The following TFCP2L1 variants were observed in gnomAD, a reference collection of about 807,000 sequenced individuals.
The protein encoded by TFCP2L1 is transcription factor CP2-like protein 1.
In TFCP2L1, 12 loss-of-function variants were observed where a neutral mutation model predicts 72.2. The observed-to-expected ratio is 0.17, with a 90% CI of 0.11 to 0.27. The LOEUF (loss-of-function observed/expected upper bound fraction) is 0.27. Ranked by LOEUF, TFCP2L1 falls within the 10% of genes least tolerant of loss-of-function variation. The pLI is 1.00. For missense variants in TFCP2L1, 488 were observed against 624.6 expected (o/e 0.78, Z 2.33); for synonymous variants, 260 against 251.0 (o/e 1.04, Z -0.34).
At chr2:121,245,127 C>T (rs189070041) in intron 6 of TFCP2L1, among the ~76,000 whole-genome samples, 1 of 152,134 alleles carries the variant, frequency 6.6e-6, no homozygotes, top group African/African-American at 2.4e-5. Flanking sequence ...TGCTTGGCCC[C>T]GTGTAATCAC....
chr2:121,234,286 C>T (rs748202024), intron 11 of TFCP2L1, 92 bp from the exon 12 acceptor site: 14 of 1,199,646 alleles, frequency 1.2e-5, no homozygotes, highest in Middle Eastern at 1.9e-4. Flanking sequence ...GTGGGCAGAA[C>T]TCAGGGAGGA....
chr2:121,283,659 G>A (rs1293898947), intron 1 of TFCP2L1, among the ~76,000 whole-genome samples: 2 of 152,220 alleles, frequency 1.3e-5, no homozygotes, highest in African/African-American at 4.8e-5. Flanking sequence ...TGAGGACATT[G>A]TAGGTATCTA....
chr2:121,268,727 C>G (rs772867136), intron 2 of TFCP2L1, among the ~76,000 whole-genome samples: 45 of 151,224 alleles, frequency 3.0e-4, no homozygotes, highest in Non-Finnish European at 3.2e-4. Flanking sequence ...TTTCAATGTG[C>G]CACTCAGTTG....
At chr2:121,276,110 A>G (rs954649976) in intron 2 of TFCP2L1, among the ~76,000 whole-genome samples, 2 of 152,160 alleles carry the variant, frequency 1.3e-5, no homozygotes, top group African/African-American at 4.8e-5. Flanking sequence ...ATACATGTGC[A>G]GAACGTGCAG....
intron 14 of TFCP2L1, 91 bp downstream of exon 14, chr2:121,225,471 G>GCTTT (rs1686009876): frequency 1.2e-5 from 15 of 1,256,376 alleles, no homozygotes; most frequent in Admixed American, 1.7e-5. Flanking sequence ...CTTTTCCCAG[G>GCTTT]TCAGCACTCT....
Position 121,216,629 on chromosome 2 carries a change from C to G in TFCP2L1, c.*7712G>C, listed in dbSNP as rs1043672532. The G allele has an allele frequency of 1.3e-5, 2 of 152,212 alleles. No homozygotes were observed. The highest frequency in any genetic ancestry group is 2.9e-5 in the Non-Finnish European group (2 of 68,040). The allele number at this position is 152,212 out of a possible 1,614,324, so 9.4% of individuals were successfully genotyped here. On this transcript the variant is annotated 3_prime_UTR_variant, in exon 15 of 15. Coordinates refer to ENST00000263707, the MANE Select transcript of TFCP2L1 (RefSeq NM_014553.3). ...TTTTATTTGCATTCTAACCCAAGCACAGATCCCACATACAGACTTCTCGTC... is the reference window on the plus strand; with the variant it reads ...TTTTATTTGCATTCTAACCCAAGCAGAGATCCCACATACAGACTTCTCGTC...
intron 2 of TFCP2L1, among the ~76,000 whole-genome samples, chr2:121,268,026 T>G (rs1250434002): frequency 2.0e-5 from 3 of 152,172 alleles, no homozygotes; most frequent in African/African-American, 4.8e-5. Flanking sequence ...GGCTAAAGAT[T>G]GCTTGAGCCC....
chr2:121,231,709 G>A (rs931315144), intron 13 of TFCP2L1, 117 bp downstream of exon 13: 3 of 1,417,564 alleles, frequency 2.1e-6, no homozygotes, highest in Non-Finnish European at 9.5e-7. Context: ...TGCAGGTGGT[G>A]TGCAGATGAA....
intron 5 of TFCP2L1, 33 bp downstream of exon 5, chr2:121,248,131 C>G (rs749517981): frequency 1.2e-6 from 2 of 1,600,232 alleles, no homozygotes; most frequent in South Asian, 2.2e-5. Context: ...AAGACTAGGT[C>G]TTCCCCTGGA....
chr2:121,239,295 T>C (rs1226359475), intron 8 of TFCP2L1, among the ~76,000 whole-genome samples: 1 of 152,198 alleles, frequency 6.6e-6, no homozygotes, highest in Non-Finnish European at 1.5e-5. Context: ...GAGGCTGTCT[T>C]GGGTGGCTGA....
intron 12 of TFCP2L1, 60 bp downstream of exon 12, chr2:121,234,031 C>A: frequency 6.7e-7 from 1 of 1,490,038 alleles, no homozygotes; most frequent in Non-Finnish European, 9.3e-7. Context: ...AGACTGCGGG[C>A]TTGAAAGCCA....
chr2:121,259,659 G>C (rs1006623906), intron 2 of TFCP2L1, among the ~76,000 whole-genome samples: 12 of 152,164 alleles, frequency 7.9e-5, no homozygotes, highest in African/African-American at 2.9e-4. Context: ...GATGTAAAAA[G>C]CCATCCACCA....
At chr2:121,228,772 CAAAAAAAAA>C (rs59300568) in intron 13 of TFCP2L1, among the ~76,000 whole-genome samples, 1 of 58,180 alleles carries the variant, frequency 1.7e-5, no homozygotes, top group Non-Finnish European at 2.8e-5. Context: ...CCGTGACTCA[CAAAAAAAAA>C]AAAAAAAAAA....
rs778659441 is a variant in TFCP2L1, at chr2:121,242,396, T to C, written c.731A>G (p.Lys244Arg). 1.1e-5 allele frequency: 18 copies of C among 1,614,068 alleles called. No individual in the cohort carries two copies. The South Asian group carries it at 1.8e-4, about 16-fold the overall frequency. The change falls in exon 7 of 15, where the codon AAA becomes AGA. Residue 244 changes from lysine to arginine, a missense_variant. Transcript: ENST00000263707. ...MEKRTAQEKE[K>R]YQPSYETTIL... is the part of the protein sequence containing the mutation. ...GGTGGTTTCATAGGACGGCTGGTAT[T>C]TCTCCTTCTCTTGGGCAGTTCTTTT... is the stretch of plus-strand genomic sequence containing the variant.
At chr2:121,282,724 C>T (rs1687289384) in intron 1 of TFCP2L1, among the ~76,000 whole-genome samples, 1 of 152,138 alleles carries the variant, frequency 6.6e-6, no homozygotes, top group African/African-American at 2.4e-5. Flanking sequence ...CTTCGTGGGT[C>T]CCTGACTAGG....
intron 2 of TFCP2L1, among the ~76,000 whole-genome samples, chr2:121,250,074 C>T (rs796170362): frequency 2.2e-4 from 33 of 152,220 alleles, no homozygotes; most frequent in South Asian, 6.2e-4. Flanking sequence ...TTTGAAGGAA[C>T]GAAGAAGCCT....
chr2:121,281,241 C>T lies in TFCP2L1; in HGVS notation c.93G>A (p.Gln31=), dbSNP rs1687253259. Residue 31 remains glutamine, a synonymous_variant, in exon 2 of 15, where the codon CAG becomes CAA. Transcript: ENST00000263707. ...TCTCGGGGGACAGCTGGGGTTCCTC[C>T]TGCTTGAAGATGGGCAGAGCGAGCA... The part of the protein sequence containing the change: ...RDVLALPIFK[Q]EEPQLSPENE... The T allele has an allele frequency of 6.2e-7, 1 of 1,610,190 alleles. No homozygotes were observed. Among genetic ancestry groups the T allele is most frequent in the African/African-American group, 1.3e-5 (1 of 74,674 alleles).
At chr2:121,237,485 G>A (rs973237503) in intron 10 of TFCP2L1, 138 bp downstream of exon 10, 7 of 961,832 alleles carry the variant, frequency 7.3e-6, no homozygotes, top group African/African-American at 3.2e-5. Flanking sequence ...GCACGTGAGC[G>A]AGCGAACCCA....
intron 2 of TFCP2L1, among the ~76,000 whole-genome samples, chr2:121,275,848 GGCGTGAGCCACC>G (rs1687136426): frequency 6.6e-6 from 1 of 152,212 alleles, no homozygotes; most frequent in Admixed American, 6.5e-5. Flanking sequence ...TGGGATTACA[GGCGTGAGCCACC>G]GCGCCCAGTT....
Sources: gnomAD v4.1 joint callset for allele counts (sites outside exome capture counted in the v4.1 genomes callset) on GRCh38, gnomAD v4.1.1 for gene constraint, MANE v1.5 for transcripts, NCBI Gene and HGNC (gene_info 2026-07-23, HGNC 2026-07-21) for gene names.